The following BEST3 variants were observed in gnomAD, a reference collection of about 807,000 sequenced individuals.
BEST3 encodes the protein bestrophin-3.
BEST3 carries 50 observed loss-of-function variants against 47.1 expected under a neutral mutation model. That is an observed-to-expected ratio of 1.06 (90% CI 0.85 to 1.34). The LOEUF (loss-of-function observed/expected upper bound fraction) is 1.34. Among genes scored for constraint, BEST3 ranks in the 40% most tolerant of loss-of-function variants. The pLI is 0.00. For missense variants in BEST3, 765 were observed against 817.0 expected (o/e 0.94, Z 0.78); for synonymous variants, 282 against 298.8 (o/e 0.94, Z 0.58).
At chr12:69,676,844 T>C in intron 7 of BEST3, 72 bp downstream of exon 7, 1 of 1,471,856 alleles carries the variant, frequency 6.8e-7, no homozygotes. Flanking sequence ...TGCTAAAGAC[T>C]CAGTAAAGGA....
downstream of BEST3, among the ~76,000 whole-genome samples, chr12:69,652,534 T>A (rs1439819133): frequency 6.6e-6 from 1 of 152,196 alleles, no homozygotes; most frequent in Non-Finnish European, 1.5e-5. Context: ...TAATTTAGTT[T>A]TCATTGCAAG....
rs7307175 is a variant in BEST3 at position 69,691,353 on chromosome 12, A to G, written c.481+2321T>C. ...AGGAAACTGAGGAACAGAATGGTTAACTAACTCAGACAAAGTCATGTAGCT... is the reference window on the plus strand; with the variant it reads ...AGGAAACTGAGGAACAGAATGGTTAGCTAACTCAGACAAAGTCATGTAGCT... On this transcript the variant is annotated intron_variant, in intron 4 of 9. Transcript: ENST00000330891. Among the ~76,000 whole-genome samples the G allele has an allele frequency of 3.0e-4, 46 of 152,372 alleles. 1 individual carries two copies. Among genetic ancestry groups the G allele is most frequent in the African/African-American group, 1.1e-3 (45 of 41,590 alleles).
At chr12:69,661,825 C>T (rs956871090) in intron 9 of BEST3, among the ~76,000 whole-genome samples, 10 of 152,270 alleles carry the variant, frequency 6.6e-5, no homozygotes, top group African/African-American at 9.6e-5. Flanking sequence ...CACTACTACC[C>T]GTGTTGGCCT....
intron 2 of BEST3, among the ~76,000 whole-genome samples, chr12:69,695,770 ATATC>A (rs766706528): frequency 5.9e-5 from 9 of 152,162 alleles, no homozygotes; most frequent in Non-Finnish European, 1.3e-4. Context: ...GGGGATAAAA[ATATC>A]TATATATAAG....
Position 69,654,173 on chromosome 12 carries a change from C to G in BEST3, c.*734G>C, listed in dbSNP as rs969360620. 1 of 984,510 alleles carries G rather than the reference C, an allele frequency of 1.0e-6. No individual in the cohort carries two copies. Among genetic ancestry groups the G allele is most frequent in the Non-Finnish European group, 1.2e-6 (1 of 829,694 alleles). The allele number at this position is 984,510 out of a possible 1,614,324, so 61.0% of individuals were successfully genotyped here. A position where few individuals can be genotyped will look rare whatever the true frequency, so the allele number is the denominator to read the frequency against. ...TTATATTTTGAAATTCATGGCAAGACATAAGCAACAGATTTGGCAAGAGGA... is the reference window on the plus strand; with the variant it reads ...TTATATTTTGAAATTCATGGCAAGAGATAAGCAACAGATTTGGCAAGAGGA... On this transcript the variant is annotated 3_prime_UTR_variant, in exon 10 of 10. Coordinates refer to ENST00000330891, the MANE Select transcript of BEST3 (RefSeq NM_032735.3).
chr12:69,655,684 T>C lies in BEST3; in HGVS notation c.1230A>G (p.Arg410=). The C allele has an allele frequency of 2.5e-6, 4 of 1,614,026 alleles. No individual in the cohort carries two copies. In the South Asian group the frequency reaches 3.3e-5, roughly 13 times the overall value. Residue 410 remains arginine, a synonymous_variant, in exon 10 of 10, where the codon AGA becomes AGG. Coordinates refer to ENST00000330891, the MANE Select transcript of BEST3 (RefSeq NM_032735.3). The part of the protein sequence containing the change: ...SAHEHPSSPR[R]RSYRRQTSDS... The stretch of plus-strand genomic sequence containing the variant: ...CACTTGTCTGCCTCCTGTAGCTTCT[T>C]CTTCTGGGGCTGGAGGGGTGTTCGT...
intron 4 of BEST3, among the ~76,000 whole-genome samples, chr12:69,691,863 G>C (rs1204061749): frequency 6.6e-6 from 1 of 152,182 alleles, no homozygotes; most frequent in East Asian, 1.9e-4. Flanking sequence ...TATAGTTGCT[G>C]AAATGATCTG....
intron 4 of BEST3, among the ~76,000 whole-genome samples, chr12:69,681,820 C>A (rs1885269710): frequency 6.6e-6 from 1 of 152,096 alleles, no homozygotes; most frequent in Non-Finnish European, 1.5e-5. Context: ...GTGGCTCACG[C>A]CTGTAATCCC....
chr12:69,699,255 G>C lies in BEST3; in HGVS notation c.-66C>G, dbSNP rs17813623. Reference sequence around the variant, plus strand: ...ACAGGAAAGAGAATCTTCAAATTTCGGGCTCCCCCGAAGAGGTGCCTTCAG... The same window carrying C: ...ACAGGAAAGAGAATCTTCAAATTTCCGGCTCCCCCGAAGAGGTGCCTTCAG... On this transcript the variant is annotated 5_prime_UTR_variant, in exon 1 of 10. Transcript: ENST00000330891. 2 of 984,998 alleles carry C rather than the reference G, an allele frequency of 2.0e-6. No individual in the cohort carries two copies. The highest frequency in any genetic ancestry group is 2.3e-4 in the East Asian group (2 of 8,794). The allele number at this position is 984,998 out of a possible 1,614,324, so 61.0% of individuals were successfully genotyped here.
At position 69,670,335 on chromosome 12, in the gene BEST3, T is replaced by A. The variant is rs964808071; in HGVS notation, c.1100+1093A>T. The A allele has an allele frequency of 1.2e-5, 8 of 643,626 alleles. No individual in the cohort carries two copies. In the African/African-American group the frequency reaches 1.3e-4, roughly 10 times the overall value. The allele number at this position is 643,626 out of a possible 1,614,324, so 39.9% of individuals were successfully genotyped here. A position where few individuals can be genotyped will look rare whatever the true frequency, so the allele number is the denominator to read the frequency against. ...AAGGCTAGCTAGAAGCAGAAGCAAA[T>A]CTAGCCTGGAGTAGGCAACCTTCTC... On this transcript the variant is annotated intron_variant, in intron 9 of 9. Transcript: ENST00000330891.
At chr12:69,678,241 A>T (rs775494) in intron 5 of BEST3, among the ~76,000 whole-genome samples, 129,614 of 151,750 alleles carry the variant, frequency 0.85, 55,718 homozygotes, top group Middle Eastern at 0.98. Context: ...TATAAAAAAA[A>T]TTTTTTTCAG....
chr12:69,689,316 C>T lies in BEST3; in HGVS notation c.481+4358G>A, dbSNP rs541408532. On this transcript the variant is annotated intron_variant, in intron 4 of 9. Transcript: ENST00000330891. ...AGGAAGTTCAGTGAGTCAGCGCTGC[C>T]GGTGACAGCGGGTGCCGGCCTGGGG... The T allele has an allele frequency of 7.7e-5, 74 of 967,158 alleles. No homozygotes were observed. The East Asian group carries it at 1.0e-3, about 13-fold the overall frequency. 59.9% of individuals were successfully genotyped at this position (967,158 alleles called of 1,614,324 possible).
chr12:69,673,687 G>A (rs1283006412), intron 7 of BEST3, among the ~76,000 whole-genome samples: 2 of 152,032 alleles, frequency 1.3e-5, no homozygotes, highest in Non-Finnish European at 2.9e-5. Flanking sequence ...CAGGTGTTCT[G>A]CCCTTCTCGA....
chr12:69,681,523 A>G (rs1428465328), intron 4 of BEST3, among the ~76,000 whole-genome samples: 1 of 152,006 alleles, frequency 6.6e-6, no homozygotes, highest in African/African-American at 2.4e-5. Flanking sequence ...GTGTTTCAGT[A>G]AAAAAAATGT....
At chr12:69,651,637 T>C (rs2135899795), downstream of BEST3, among the ~76,000 whole-genome samples, 1 of 151,838 alleles carries the variant, frequency 6.6e-6, no homozygotes, top group African/African-American at 2.4e-5. Flanking sequence ...TAGCCAGGTG[T>C]GATGGCGGGT....
intron 9 of BEST3, among the ~76,000 whole-genome samples, chr12:69,648,413 T>G (rs1593124086): frequency 6.6e-6 from 1 of 152,152 alleles, no homozygotes; most frequent in African/African-American, 2.4e-5. Flanking sequence ...TACAAAAGCA[T>G]TTGCACACAA....
At chr12:69,646,520 G>A (rs1347978915) in intron 9 of BEST3, among the ~76,000 whole-genome samples, 2 of 152,014 alleles carry the variant, frequency 1.3e-5, no homozygotes, top group Admixed American at 6.6e-5. Flanking sequence ...CCAGTGAATG[G>A]AGCTTACATC....
chr12:69,667,442 C>T (rs1884295448), intron 9 of BEST3, among the ~76,000 whole-genome samples: 1 of 152,096 alleles, frequency 6.6e-6, no homozygotes, highest in Non-Finnish European at 1.5e-5. Flanking sequence ...GGATTACAGG[C>T]TGTGCCACCA....
At chr12:69,650,884 GA>G (rs528252252), downstream of BEST3, among the ~76,000 whole-genome samples, 2 of 149,842 alleles carry the variant, frequency 1.3e-5, no homozygotes, top group African/African-American at 2.4e-5. Flanking sequence ...CATATGAAAG[GA>G]AAAAAAAACC....
Sources: allele counts gnomAD v4.1 joint callset (sites outside exome capture counted in the v4.1 genomes callset), GRCh38; gene constraint gnomAD v4.1.1; transcripts MANE v1.5; gene names NCBI Gene and HGNC (gene_info 2026-07-23, HGNC 2026-07-21).